Variants in EBP observed in about 807,000 individuals in gnomAD.
EBP encodes 3-beta-hydroxysteroid-Delta(8),Delta(7)-isomerase.
A neutral mutation model predicts 14.1 loss-of-function variants in EBP; 1 was observed. The ratio of observed to expected loss-of-function variants is 0.07; its 90% CI spans 0.03 to 0.34. The LOEUF is 0.34. EBP is among the 10% of genes least tolerant of loss of function. EBP has a pLI of 0.99. For synonymous variants in EBP, 72 were observed against 77.7 expected, an observed-to-expected ratio of 0.93 and a Z score of 0.38; for missense variants, 123 against 184.6, an observed-to-expected ratio of 0.67 and a Z score of 1.93.
rs1556977579 is a variant in EBP, at chrX:48,527,222, G to A, written c.406G>A (p.Val136Met). 1 of 1,209,851 alleles carries A rather than the reference G, an allele frequency of 8.3e-7. No homozygotes were observed. The highest frequency in any genetic ancestry group is 1.8e-5 in the African/African-American group (1 of 57,098). ...CCTGTGGGGACCACTCAGCCTGTGG[G>A]TGGTGATCGCCTTTCTCCGCCAGCA... ...ACLWGPLSLW[V>M]VIAFLRQHPL... is the part of the protein sequence containing the mutation. Residue 136 changes from valine to methionine, a missense_variant, in exon 4 of 5, where the codon GTG (valine) becomes ATG (methionine). By Grantham distance (21) the Val-to-Met change is conservative. Transcript: ENST00000495186.
chrX:48,522,797 T>C (rs938714778), intron 1 of EBP, among the ~76,000 whole-genome samples: 14 of 110,662 alleles, frequency 1.3e-4, no homozygotes, highest in African/African-American at 4.6e-4. Flanking sequence ...CTCAGCCTCC[T>C]GAGTAGCTGT....
chrX:48,522,004 C>CCG (rs1556976654), intron 1 of EBP, 97 bp downstream of exon 1: 4 of 36,428 alleles, frequency 1.1e-4, no homozygotes, highest in Admixed American at 9.2e-4. Context: ...TTGCCACCCG[C>CCG]CCCCCCCACC....
chrX:48,528,124 C>T, intron 4 of EBP, 110 bp from the exon 5 acceptor site: 1 of 615,233 alleles, frequency 1.6e-6, no homozygotes, highest in Non-Finnish European at 2.5e-6. Flanking sequence ...TTTCAGAATA[C>T]TTAGCTCTGA....
At chrX:48,524,113 G>A (rs1556977124) in intron 2 of EBP, 41 bp downstream of exon 2, 1 of 1,153,709 alleles carries the variant, frequency 8.7e-7, no homozygotes, top group Admixed American at 2.2e-5. Context: ...GATGGGATTT[G>A]CTGGGCAGGG....
chrX:48,528,311 C>T lies in EBP; in HGVS notation c.547C>T (p.Leu183Phe). The stretch of plus-strand genomic sequence containing the variant: ...CCAGCACGGAGAGCTGGGCCACCCT[C>T]TCTACTTCTGGTTTTACTTTGTCTT... ...GFQHGELGHPLYFWFYFVFMN... is the reference protein window; with the variant it reads ...GFQHGELGHPFYFWFYFVFMN... Residue 183 changes from leucine to phenylalanine, a missense_variant, in exon 5 of 5, where the codon CTC becomes TTC. Coordinates refer to ENST00000495186, the MANE Select transcript of EBP (RefSeq NM_006579.3). 1 of 1,211,351 alleles carries T rather than the reference C, an allele frequency of 8.3e-7. No individual in the cohort carries two copies. The highest frequency in any genetic ancestry group is 1.1e-6 in the Non-Finnish European group (1 of 895,358).
chrX:48,528,560 C>T lies in EBP; in HGVS notation c.*103C>T. 1.3e-6 allele frequency: 1 copy of T among 768,187 alleles called. No individual in the cohort carries two copies. Among genetic ancestry groups the T allele is most frequent in the Non-Finnish European group, 1.9e-6 (1 of 520,156 alleles). The allele number at this position is 768,187 out of a possible 1,213,427, so 63.3% of individuals were successfully genotyped here. ...GTTTGGAGGGACAAAGCTAATTGAT[C>T]TGTCACACTCAGGCTCATGGGCAGG... On this transcript the variant is annotated 3_prime_UTR_variant, in exon 5 of 5. Coordinates refer to ENST00000495186, the MANE Select transcript of EBP (RefSeq NM_006579.3).
intron 2 of EBP, chrX:48,526,752 C>A: frequency 2.2e-6 from 1 of 446,539 alleles, no homozygotes; most frequent in Non-Finnish European, 4.0e-6. Flanking sequence ...TTTTATACCA[C>A]ACACACTTCT....
chrX:48,528,648 C>T lies in EBP; in HGVS notation c.*191C>T, dbSNP rs2061786224. On this transcript the variant is annotated 3_prime_UTR_variant, in exon 5 of 5. Coordinates refer to ENST00000495186, the MANE Select transcript of EBP (RefSeq NM_006579.3). The stretch of plus-strand genomic sequence containing the variant: ...GCTGGGAGCCATTAGAACACAGATA[C>T]AAGAGAAGCCAGGAGGTCTATGATG... 1 of 454,986 alleles carries T rather than the reference C, an allele frequency of 2.2e-6. No individual in the cohort carries two copies. Among genetic ancestry groups the T allele is most frequent in the Admixed American group, 3.7e-5 (1 of 27,337 alleles). The allele number at this position is 454,986 out of a possible 1,213,427, so 37.5% of individuals were successfully genotyped here.
intron 4 of EBP, 135 bp downstream of exon 4, chrX:48,527,420 CCT>C: frequency 9.6e-7 from 1 of 1,036,565 alleles, no homozygotes; most frequent in Non-Finnish European, 1.3e-6. Flanking sequence ...TGACAAACCC[CCT>C]GAGGCTCTGG....
intron 2 of EBP, chrX:48,524,934 A>T (rs782605413): frequency 1.8e-5 from 2 of 111,581 alleles, no homozygotes; most frequent in Non-Finnish European, 3.8e-5. Context: ...GGCTCAAGCA[A>T]TCCTTCCACC....
In EBP at chrX:48,528,253, G is replaced by A. The variant is rs782289923; in HGVS notation, c.489G>A (p.Val163=). The change falls in exon 5 of 5, where the codon GTG becomes GTA. Residue 163 remains valine, a synonymous_variant. Transcript: ENST00000495186. Reference sequence around the variant, plus strand: ...CCACAGGCCAGATCTATGGGGATGTGCTCTACTTCCTGACAGAGCACCGCG... The same window carrying A: ...CCACAGGCCAGATCTATGGGGATGTACTCTACTTCCTGACAGAGCACCGCG... ...VVSVGQIYGD[V]LYFLTEHRDG... 8.3e-7 allele frequency: 1 copy of A among 1,211,295 alleles called. No individual in the cohort carries two copies.
intron 4 of EBP, 122 bp downstream of exon 4, chrX:48,527,407 G>T: frequency 3.6e-5 from 39 of 1,082,146 alleles, no homozygotes; most frequent in Non-Finnish European, 4.9e-5. Flanking sequence ...AAGTCAGACT[G>T]AATGACAAAC....
Position 48,527,291 on chromosome X carries a change from G to A in EBP, c.469+6G>A. The stretch of plus-strand genomic sequence containing the variant: ...ACAGCTTGTGGTCTCTGTGGGTAAG[G>A]AAAGGGCACTAGAGGGGCACTGGGC... On this transcript the variant is annotated splice_donor_region_variant and intron_variant, in intron 4 of 4. Coordinates refer to ENST00000495186, the MANE Select transcript of EBP (RefSeq NM_006579.3). The A allele has an allele frequency of 8.3e-7, 1 of 1,211,173 alleles. No individual in the cohort carries two copies. The highest frequency in any genetic ancestry group is 1.1e-6 in the Non-Finnish European group (1 of 895,515).
At position 48,521,828 on chromosome X, in the gene EBP, T is replaced by G. The variant is rs1556976573; in HGVS notation, c.-153T>G. 1.8e-5 allele frequency: 2 copies of G among 113,537 alleles called. No homozygotes were observed. The highest frequency in any genetic ancestry group is 6.4e-5 in the African/African-American group (2 of 31,215). 9.4% of individuals were successfully genotyped at this position (113,537 alleles called of 1,213,427 possible). A position where few individuals can be genotyped will look rare whatever the true frequency, so the allele number is the denominator to read the frequency against. ...AACCCACTAGGGGATGAGCCCGAAC[T>G]AGGGATGTGACAGAGCGCGAGACCC... On this transcript the variant is annotated 5_prime_UTR_variant, in exon 1 of 5. It removes the in-frame stop codon of an upstream open reading frame in the 5' UTR. Transcript: ENST00000495186.
chrX:48,522,598 A>G (rs1428458653), intron 1 of EBP, among the ~76,000 whole-genome samples: 1 of 112,304 alleles, frequency 8.9e-6, no homozygotes, highest in Non-Finnish European at 1.9e-5. Flanking sequence ...CCACATCATA[A>G]TATGGCTTCT....
In EBP at chrX:48,528,635, TAGAACAC is replaced by T. The variant is rs782572090; in HGVS notation, c.*182_*188del. On this transcript the variant is annotated 3_prime_UTR_variant, in exon 5 of 5. Transcript: ENST00000495186. ...GTGTGAAGGCACTGCTGGGAGCCAT[TAGAACAC>T]AGATACAAGAGAAGCCAGGAGGTCT... is the stretch of plus-strand genomic sequence containing the variant. The T allele has an allele frequency of 7.2e-5, 34 of 472,929 alleles. No homozygotes were observed. In the South Asian group the frequency reaches 1.0e-3, roughly 14 times the overall value. 39.0% of individuals were successfully genotyped at this position (472,929 alleles called of 1,213,427 possible). A position where few individuals can be genotyped will look rare whatever the true frequency, so the allele number is the denominator to read the frequency against.
intron 2 of EBP, among the ~76,000 whole-genome samples, chrX:48,526,302 C>T (rs1298176239): frequency 9.4e-6 from 1 of 106,070 alleles, no homozygotes; most frequent in Non-Finnish European, 1.9e-5. Flanking sequence ...CTATTCAAGT[C>T]TTCTGCCTAT....
chrX:48,526,342 C>CTTTTTTTT (rs143091554), intron 2 of EBP, among the ~76,000 whole-genome samples: 6 of 89,119 alleles, frequency 6.7e-5, no homozygotes, highest in Non-Finnish European at 1.3e-4. Context: ...TTCTTTCTTT[C>CTTTTTTTT]TTTTTTTTTT....
At chrX:48,527,637 G>A in intron 4 of EBP, 1 of 266,825 alleles carries the variant, frequency 3.7e-6, no homozygotes, top group East Asian at 8.9e-5. Context: ...ACAGGGTCTG[G>A]CTCTGTCACC....
Sources: gnomAD v4.1 joint callset for allele counts (sites outside exome capture counted in the v4.1 genomes callset) on GRCh38, gnomAD v4.1.1 for gene constraint, MANE v1.5 for transcripts, NCBI Gene and HGNC (gene_info 2026-07-23, HGNC 2026-07-21) for gene names.